The following PMPCB variants were observed in gnomAD, a reference collection of about 807,000 sequenced individuals.
PMPCB encodes mitochondrial-processing peptidase subunit beta.
In PMPCB, 46 loss-of-function variants were observed where a neutral mutation model predicts 61.5. The ratio of observed to expected loss-of-function variants is 0.75; its 90% confidence interval spans 0.59 to 0.96. The LOEUF (loss-of-function observed/expected upper bound fraction) is 0.96, where lower values mean the gene tolerates loss of function less well. Ranked by LOEUF, PMPCB falls within the 40% of genes least tolerant of loss-of-function variation. The pLI is 0.00. For synonymous variants in PMPCB, 191 were observed against 201.6 expected, an observed-to-expected ratio of 0.95 and a Z score of 0.44; for missense variants, 590 against 602.4, an observed-to-expected ratio of 0.98 and a Z score of 0.22.
the PMPCB span, among the ~76,000 whole-genome samples, chr7:103,340,146 C>T: frequency 6.6e-6 from 1 of 152,174 alleles, no homozygotes; most frequent in South Asian, 2.1e-4. Context: ...CCTCTTTTTC[C>T]CTCTTGCTCC....
the PMPCB span, chr7:103,336,685 G>A: frequency 2.0e-5 from 3 of 152,242 alleles, no homozygotes; most frequent in Non-Finnish European, 4.4e-5. Context: ...GCAAACACTT[G>A]TACGTGGCAA....
chr7:103,316,603 A>T (rs1285592812), downstream of PMPCB: 1 of 479,608 alleles, frequency 2.1e-6, no homozygotes, highest in Non-Finnish European at 3.7e-6. Flanking sequence ...CATGATCTTC[A>T]ATTTCCTGAG....
intron 1 of PMPCB, chr7:103,297,817 T>G: frequency 6.6e-7 from 1 of 1,520,100 alleles, no homozygotes. Flanking sequence ...GGAGTGCATG[T>G]TTGACCACTA....
intron 9 of PMPCB, chr7:103,310,829 C>A (rs926869065): frequency 6.4e-6 from 1 of 157,320 alleles, no homozygotes; most frequent in African/African-American, 2.4e-5. Flanking sequence ...AGGCGCACCA[C>A]CATGCCCACG....
At chr7:103,322,810 T>C (rs1818493106) in intron 12 of PMPCB, 1 of 1,586,498 alleles carries the variant, frequency 6.3e-7, no homozygotes, top group Non-Finnish European at 8.6e-7. Flanking sequence ...AAATAGAAAA[T>C]ATTGGAAACA....
chr7:103,310,451 T>C lies in PMPCB; in HGVS notation c.1130T>C (p.Met377Thr), dbSNP rs148598585. 4.4e-6 allele frequency: 7 copies of C among 1,603,550 alleles called. No individual in the cohort carries two copies. In the African/African-American group the frequency reaches 5.4e-5, roughly 12 times the overall value. The change falls in exon 9 of 13, where the codon ATG becomes ACG. Residue 377 changes from methionine to threonine, a missense_variant. Physicochemically the swap from Met to Thr is moderately conservative, Grantham distance 81 (BLOSUM62 -1). Coordinates refer to ENST00000249269, the MANE Select transcript of PMPCB (RefSeq NM_004279.3). ...MVCESSTVADMLHVVQKEWMR... is the reference protein window; with the variant it reads ...MVCESSTVADTLHVVQKEWMR... The stretch of plus-strand genomic sequence containing the variant: ...TGTGAATCATCCACTGTTGCAGACA[T>C]GCTACATGTTGTTCAAAAAGAATGG...
At chr7:103,342,897 C>T in the PMPCB span, among the ~76,000 whole-genome samples, 4 of 152,096 alleles carry the variant, frequency 2.6e-5, no homozygotes, top group Non-Finnish European at 4.4e-5. Context: ...CGTGAGCCAC[C>T]GCGCCCGGCC....
chr7:103,307,449 G>C lies in PMPCB; in HGVS notation c.737-147G>C, dbSNP rs1161625282. ...CAAGCTTTGCAACACCAAGGAAATAGGTGTGCTATGTGAGCTTACTCTTAA... is the reference window on the plus strand; with the variant it reads ...CAAGCTTTGCAACACCAAGGAAATACGTGTGCTATGTGAGCTTACTCTTAA... On this transcript the variant is annotated intron_variant, in intron 6 of 12. Coordinates refer to ENST00000249269, the MANE Select transcript of PMPCB (RefSeq NM_004279.3). 3 of 549,992 alleles carry C rather than the reference G, an allele frequency of 5.5e-6. No individual in the cohort carries two copies. In the African/African-American group the frequency reaches 5.8e-5, roughly 11 times the overall value. The allele number at this position is 549,992 out of a possible 1,614,324, so 34.1% of individuals were successfully genotyped here. A position where few individuals can be genotyped will look rare whatever the true frequency, so the allele number is the denominator to read the frequency against.
rs73175841 is a variant in PMPCB, at chr7:103,329,424, T to G, written c.*1925T>G. ...GTATGCTGCCTCTCCTAATTCATTATGTTTATTAATAATTTTTCCCCGTTT... is the reference window on the plus strand; with the variant it reads ...GTATGCTGCCTCTCCTAATTCATTAGGTTTATTAATAATTTTTCCCCGTTT... On this transcript the variant is annotated 3_prime_UTR_variant and NMD_transcript_variant, in exon 13 of 13. Coordinates refer to the PMPCB transcript ENST00000444457. 1,203 of 152,456 alleles carry G rather than the reference T, an allele frequency of 7.9e-3. 4 individuals are homozygous for G. Among genetic ancestry groups the G allele is most frequent in the Non-Finnish European group, 0.012 (815 of 68,108 alleles). 9.4% of individuals were successfully genotyped at this position (152,456 alleles called of 1,614,324 possible). A position where few individuals can be genotyped will look rare whatever the true frequency, so the allele number is the denominator to read the frequency against.
chr7:103,307,202 T>A (rs1188154487), intron 6 of PMPCB, among the ~76,000 whole-genome samples: 1 of 152,254 alleles, frequency 6.6e-6, no homozygotes, highest in African/African-American at 2.4e-5. Context: ...TCCAGCTTTT[T>A]AAAAATTAGA....
At chr7:103,337,576 G>A in the PMPCB span, 1 of 581,314 alleles carries the variant, frequency 1.7e-6, no homozygotes, top group Non-Finnish European at 3.0e-6. Flanking sequence ...TGATTCTGAA[G>A]GCAGGGGAGA....
chr7:103,304,120 T>C (rs867870953), intron 5 of PMPCB, 80 bp downstream of exon 5: 98 of 1,168,932 alleles, frequency 8.4e-5, no homozygotes, highest in Middle Eastern at 4.4e-4. Flanking sequence ...TCAAAAAGTA[T>C]GTTTCAGAAA....
At chr7:103,302,262 C>A (rs1024084430) in intron 4 of PMPCB, among the ~76,000 whole-genome samples, 1 of 152,102 alleles carries the variant, frequency 6.6e-6, no homozygotes, top group Non-Finnish European at 1.5e-5. Context: ...AGTAAACATA[C>A]GTGTGCATGA....
rs891521710 is a variant in PMPCB at position 103,308,976 on chromosome 7, C to G, written c.874C>G (p.Pro292Ala). 5 of 1,596,912 alleles carry G rather than the reference C, an allele frequency of 3.1e-6. No individual in the cohort carries two copies. In the African/African-American group the frequency reaches 6.8e-5, roughly 22 times the overall value. The change falls in exon 8 of 13, where the codon CCT (proline) becomes GCT (alanine). Residue 292 changes from proline to alanine, a missense_variant. By Grantham distance (27) the Pro-to-Ala change is conservative (BLOSUM62 -1). Coordinates refer to ENST00000249269, the MANE Select transcript of PMPCB (RefSeq NM_004279.3). Reference sequence around the variant, plus strand: ...GATTCGTGTGAGGGATGACAAGATGCCTTTGGCGCACCTTGCAATAGCTGT... The same window carrying G: ...GATTCGTGTGAGGGATGACAAGATGGCTTTGGCGCACCTTGCAATAGCTGT... ...SEIRVRDDKMPLAHLAIAVEA... is the reference protein window; with the variant it reads ...SEIRVRDDKMALAHLAIAVEA...
intron 12 of PMPCB, among the ~76,000 whole-genome samples, chr7:103,325,547 T>C (rs1818661426): frequency 6.6e-6 from 1 of 151,996 alleles, no homozygotes; most frequent in South Asian, 2.1e-4. Flanking sequence ...TTCTCAAATT[T>C]GGCTGCACAG....
rs539752909 is a variant in PMPCB, at chr7:103,329,260, T to C, written c.*1761T>C. The C allele has an allele frequency of 8.8e-4, 182 of 206,606 alleles. 1 individual carries two copies. Among genetic ancestry groups the C allele is most frequent in the African/African-American group, 4.1e-3 (174 of 42,196 alleles). The allele number at this position is 206,606 out of a possible 1,614,324, so 12.8% of individuals were successfully genotyped here. On this transcript the variant is annotated 3_prime_UTR_variant and NMD_transcript_variant, in exon 13 of 13. Transcript: ENST00000444457. ...CTTCTCCATGATCCTATGAGGAAAG[T>C]GCTATTGCTGTCTCCATTTCATAGA...
At position 103,297,496 on chromosome 7, in the gene PMPCB, G is replaced by A; in HGVS notation, c.37G>A (p.Ala13Thr). 6.4e-7 allele frequency: 1 copy of A among 1,573,292 alleles called. No homozygotes were observed. The highest frequency in any genetic ancestry group is 8.6e-7 in the Non-Finnish European group (1 of 1,159,220). The change falls in exon 1 of 13, where the codon GCG (alanine) becomes ACG (threonine). Residue 13 changes from alanine (A) to threonine (T), a missense_variant. Physicochemically the swap from Ala to Thr is moderately conservative, Grantham distance 58. Transcript: ENST00000249269. ...GGCGGCTCGAGTGGTGTTGTCATCC[G>A]CGGCGCGGCGGCGGCTCTGGGGTTT... ...AAAARVVLSS[A>T]ARRRLWGFSE... is the part of the protein sequence containing the mutation.
the PMPCB span, chr7:103,344,409 C>G: frequency 2.5e-6 from 2 of 789,814 alleles, no homozygotes; most frequent in African/African-American, 1.7e-5. Flanking sequence ...TACTTTAAAA[C>G]ACGGAGCAAA....
intron 6 of PMPCB, among the ~76,000 whole-genome samples, chr7:103,306,382 CTT>C (rs538586125): frequency 2.7e-4 from 35 of 131,654 alleles, no homozygotes; most frequent in Admixed American, 3.8e-4. Context: ...TTCCTGAGTT[CTT>C]TTTTTTTTTT....
Sources: gnomAD v4.1 joint callset for allele counts (sites outside exome capture counted in the v4.1 genomes callset) on GRCh38, gnomAD v4.1.1 for gene constraint, MANE v1.5 for transcripts, NCBI Gene and HGNC (gene_info 2026-07-23, HGNC 2026-07-21) for gene names.